MRPS27: variants seen among roughly 807,000 people sequenced by gnomAD.
MRPS27 encodes the protein small ribosomal subunit protein mS27.
Under a neutral mutation model 48.9 loss-of-function variants are expected in MRPS27, and 43 were observed. That is an observed-to-expected ratio of 0.88 (90% CI 0.69 to 1.13). The LOEUF (loss-of-function observed/expected upper bound fraction) is 1.13. Among genes scored for constraint, MRPS27 ranks in the 50% most tolerant of loss-of-function variants. MRPS27 has a pLI of 0.00. For missense variants in MRPS27, 467 were observed against 476.3 expected (o/e 0.98, Z 0.18); for synonymous variants, 188 against 171.9 (o/e 1.09, Z -0.73).
At chr5:72,305,195 T>C (rs1241087610) in intron 2 of MRPS27, among the ~76,000 whole-genome samples, 1 of 152,194 alleles carries the variant, frequency 6.6e-6, no homozygotes, top group Non-Finnish European at 1.5e-5. Flanking sequence ...TACATATATA[T>C]TAATGAGACT....
In MRPS27 at chr5:72,299,680, G is replaced by C. The variant is rs1469367463; in HGVS notation, c.152-1978C>G. 2.6e-5 allele frequency among the ~76,000 whole-genome samples: 4 copies of C among 152,278 alleles called. No individual in the cohort carries two copies. The East Asian group carries it at 7.7e-4, about 29-fold the overall frequency. On this transcript the variant is annotated intron_variant, in intron 2 of 10. Coordinates refer to ENST00000261413, the MANE Select transcript of MRPS27 (RefSeq NM_015084.3). ...GGTTCCTTCTAGCAGAACATCCATA[G>C]GAATATTTGGTATTTCTGAGATCAC...
intron 8 of MRPS27, 131 bp from the exon 9 acceptor site, chr5:72,226,330 TACCA>T: frequency 9.4e-7 from 1 of 1,069,162 alleles, no homozygotes; most frequent in Non-Finnish European, 1.4e-6. Flanking sequence ...TTTAAATCTG[TACCA>T]ACAGACTCAT....
At chr5:72,264,968 C>T (rs1449049049) in intron 4 of MRPS27, among the ~76,000 whole-genome samples, 1 of 152,110 alleles carries the variant, frequency 6.6e-6, no homozygotes, top group Non-Finnish European at 1.5e-5. Flanking sequence ...GCAACTAGAC[C>T]GTGAGGGGAG....
At chr5:72,224,402 T>C (rs1747839832) in intron 9 of MRPS27, among the ~76,000 whole-genome samples, 1 of 152,152 alleles carries the variant, frequency 6.6e-6, no homozygotes, top group Non-Finnish European at 1.5e-5. Context: ...CTACGAATTA[T>C]TTGTATAAGT....
At chr5:72,284,547 A>G (rs954505726) in intron 4 of MRPS27, among the ~76,000 whole-genome samples, 1 of 152,160 alleles carries the variant, frequency 6.6e-6, no homozygotes, top group African/African-American at 2.4e-5. Context: ...GTATTTTTTG[A>G]ATAAGTAATA....
At chr5:72,226,277 A>C in intron 8 of MRPS27, 78 bp from the exon 9 acceptor site, 1 of 1,536,564 alleles carries the variant, frequency 6.5e-7, no homozygotes, top group Non-Finnish European at 9.0e-7. Flanking sequence ...TGAAGGCCCA[A>C]GTGAATGTTC....
At chr5:72,316,595 C>T (rs555322487) in intron 1 of MRPS27, among the ~76,000 whole-genome samples, 4 of 152,038 alleles carry the variant, frequency 2.6e-5, no homozygotes, top group Non-Finnish European at 1.5e-5. Flanking sequence ...TCTCGAACTC[C>T]TACCTTAGGA....
At chr5:72,241,627 T>C in intron 4 of MRPS27, 2 of 1,533,702 alleles carry the variant, frequency 1.3e-6, no homozygotes, top group Non-Finnish European at 1.7e-6. Context: ...GGTGAGTGAG[T>C]CTCTGGAATG....
Position 72,239,897 on chromosome 5 carries a change from T to C in MRPS27, c.282-1769A>G, listed in dbSNP as rs1167513416. On this transcript the variant is annotated intron_variant, in intron 4 of 10. Transcript: ENST00000261413. ...GTGTTGCCCAGGCAACATTTTCAAA[T>C]CAATAGTTTAGCTACTTGATTCTTG... Among the ~76,000 whole-genome samples, 5 of 152,188 alleles carry C rather than the reference T, an allele frequency of 3.3e-5. No homozygotes were observed. In the East Asian group the frequency reaches 9.6e-4, roughly 29 times the overall value.
chr5:72,237,301 CACAA>C (rs1165624534), intron 5 of MRPS27, among the ~76,000 whole-genome samples: 5 of 152,100 alleles, frequency 3.3e-5, no homozygotes, highest in African/African-American at 7.2e-5. Context: ...TCCAATGTCT[CACAA>C]ACAAACTGTA....
At chr5:72,278,048 T>C (rs755267294) in intron 4 of MRPS27, among the ~76,000 whole-genome samples, 2 of 152,180 alleles carry the variant, frequency 1.3e-5, no homozygotes, top group South Asian at 4.1e-4. Flanking sequence ...TGTTTATTTA[T>C]GTAACAAATC....
chr5:72,278,091 CA>C (rs1002193793), intron 4 of MRPS27, among the ~76,000 whole-genome samples: 1 of 152,058 alleles, frequency 6.6e-6, no homozygotes, highest in Non-Finnish European at 1.5e-5. Flanking sequence ...AATTAAAAAA[CA>C]AAAACAAAAA....
chr5:72,316,944 C>T (rs1750580185), intron 1 of MRPS27, among the ~76,000 whole-genome samples: 2 of 151,066 alleles, frequency 1.3e-5, no homozygotes, highest in Admixed American at 6.6e-5. Context: ...CAAGAGAATC[C>T]CTTGAAGCCA....
intron 1 of MRPS27, among the ~76,000 whole-genome samples, chr5:72,318,354 A>T (rs1750616756): frequency 6.6e-6 from 1 of 152,248 alleles, no homozygotes. Flanking sequence ...CATACCAGCT[A>T]CTTGCTTACT....
chr5:72,295,674 G>A (rs1749959272), intron 3 of MRPS27, 85 bp from the exon 4 acceptor site: 2 of 950,382 alleles, frequency 2.1e-6, no homozygotes, highest in East Asian at 2.4e-5. Flanking sequence ...ATTGACCTTA[G>A]AAAACACAGG....
At chr5:72,288,383 T>C (rs1056652077) in intron 4 of MRPS27, among the ~76,000 whole-genome samples, 5 of 152,168 alleles carry the variant, frequency 3.3e-5, no homozygotes, top group Non-Finnish European at 4.4e-5. Context: ...AATTTTGTTT[T>C]TGTATTTTTA....
chr5:72,237,337 C>T (rs1389627970), intron 5 of MRPS27, among the ~76,000 whole-genome samples: 1 of 152,080 alleles, frequency 6.6e-6, no homozygotes, highest in Non-Finnish European at 1.5e-5. Context: ...TTAAGTTGAA[C>T]TGGTGCAACT....
chr5:72,235,019 A>G (rs760726369), intron 5 of MRPS27, among the ~76,000 whole-genome samples: 4 of 152,124 alleles, frequency 2.6e-5, no homozygotes, highest in Non-Finnish European at 5.9e-5. Flanking sequence ...TTTCCAAACT[A>G]TATCCATATC....
At chr5:72,266,891 G>A (rs1749119380) in intron 4 of MRPS27, among the ~76,000 whole-genome samples, 1 of 152,048 alleles carries the variant, frequency 6.6e-6, no homozygotes, top group South Asian at 2.1e-4. Context: ...CCCGAAATGT[G>A]GTTACCACTA....
Sources: gnomAD v4.1 joint callset for allele counts (sites outside exome capture counted in the v4.1 genomes callset) on GRCh38, gnomAD v4.1.1 for gene constraint, MANE v1.5 for transcripts, NCBI Gene and HGNC (gene_info 2026-07-23, HGNC 2026-07-21) for gene names.